Variants in ARHGEF28 observed in about 807,000 individuals in gnomAD.
The protein encoded by ARHGEF28 is 190 kDa guanine nucleotide exchange factor.
Under a neutral mutation model 206.6 loss-of-function variants are expected in ARHGEF28, and 152 were observed. The ratio of observed to expected loss-of-function variants is 0.74; its 90% CI spans 0.64 to 0.84. The LOEUF is 0.84. Among genes scored for constraint, ARHGEF28 ranks in the 40% least tolerant of loss-of-function variants. The pLI is 0.00. For synonymous variants in ARHGEF28, 763 were observed against 776.4 expected (o/e 0.98, Z 0.29); for missense variants, 2,028 against 2,073.2 (o/e 0.98, Z 0.42).
At chr5:73,901,403 A>T in intron 31 of ARHGEF28, 119 bp downstream of exon 31, 2 of 703,856 alleles carry the variant, frequency 2.8e-6, no homozygotes, top group Non-Finnish European at 2.4e-6. Flanking sequence ...ATTGTTCTCA[A>T]TTGATTTAAA....
intron 1 of ARHGEF28, among the ~76,000 whole-genome samples, chr5:73,668,619 A>G (rs552024364): frequency 3.0e-4 from 45 of 152,376 alleles, no homozygotes; most frequent in South Asian, 1.2e-3. Flanking sequence ...TTTGAACCAC[A>G]GTAACCACCC....
At chr5:73,742,782 C>A (rs1472779847) in intron 2 of ARHGEF28, among the ~76,000 whole-genome samples, 2 of 149,088 alleles carry the variant, frequency 1.3e-5, no homozygotes, top group African/African-American at 4.9e-5. Flanking sequence ...CGAGATTGCG[C>A]CACTGCAGTC....
intron 25 of ARHGEF28, among the ~76,000 whole-genome samples, chr5:73,886,347 G>A (rs1441511964): frequency 1.3e-5 from 2 of 152,206 alleles, no homozygotes; most frequent in African/African-American, 4.8e-5. Context: ...AGTTTGTGAT[G>A]TCTGAAATCA....
intron 13 of ARHGEF28, among the ~76,000 whole-genome samples, 176 bp from the exon 14 acceptor site, chr5:73,852,474 G>A (rs531066214): frequency 2.6e-5 from 4 of 151,988 alleles, no homozygotes; most frequent in Non-Finnish European, 4.4e-5. Flanking sequence ...ATTACAGAAA[G>A]TGATTTAAAA....
chr5:73,667,879 C>A (rs963753413), intron 1 of ARHGEF28, among the ~76,000 whole-genome samples: 39 of 152,164 alleles, frequency 2.6e-4, no homozygotes, highest in African/African-American at 8.4e-4. Context: ...TCCACAAAGT[C>A]TTAAGACATG....
chr5:73,869,222 T>TGGGGG (rs67692648), intron 20 of ARHGEF28, among the ~76,000 whole-genome samples: 65 of 99,240 alleles, frequency 6.5e-4, no homozygotes, highest in East Asian at 1.3e-3. Flanking sequence ...GTGTGTGGGG[T>TGGGGG]GGAGGGGGGT....
At chr5:73,653,380 G>T (rs1319324921) in intron 1 of ARHGEF28, among the ~76,000 whole-genome samples, 1 of 152,210 alleles carries the variant, frequency 6.6e-6, no homozygotes, top group African/African-American at 2.4e-5. Context: ...TATATTGAGT[G>T]AATATTAGTA....
In ARHGEF28 at chr5:73,858,541, G is replaced by A. The variant is rs141635973; in HGVS notation, c.2047+322G>A. ...GGCAACTTGATCATTCCAACCAGATGTTCATGCCAAAACTTTTGGAGTACA... is the reference window on the plus strand; with the variant it reads ...GGCAACTTGATCATTCCAACCAGATATTCATGCCAAAACTTTTGGAGTACA... On this transcript the variant is annotated intron_variant, in intron 16 of 35. Coordinates refer to ENST00000513042, the MANE Select transcript of ARHGEF28 (RefSeq NM_001177693.2). Among the ~76,000 whole-genome samples, 477 of 152,254 alleles carry A rather than the reference G, an allele frequency of 3.1e-3. 5 individuals carry two copies. Among genetic ancestry groups the A allele is most frequent in the Middle Eastern group, 0.014 (4 of 294 alleles).
Position 73,898,041 on chromosome 5 carries a change from T to C in ARHGEF28, c.3921T>C (p.Ser1307=), listed in dbSNP as rs1038116824. The C allele has an allele frequency of 3.1e-6, 5 of 1,610,984 alleles. No individual in the cohort carries two copies. Among genetic ancestry groups the C allele is most frequent in the African/African-American group, 2.7e-5 (2 of 74,898 alleles). ...SQSCEDSCGD[S]VLADTLSSHD... ...CATGTGAGGACAGTTGTGGAGACTCTGTCTTGGCGGACACACTCAGTTCTC... is the reference window on the plus strand; with the variant it reads ...CATGTGAGGACAGTTGTGGAGACTCCGTCTTGGCGGACACACTCAGTTCTC... Residue 1307 remains serine (S), a synonymous_variant, in exon 30 of 36, where the codon TCT becomes TCC. Coordinates refer to ENST00000513042, the MANE Select transcript of ARHGEF28 (RefSeq NM_001177693.2).
At chr5:73,770,936 G>T (rs1753186907) in intron 4 of ARHGEF28, among the ~76,000 whole-genome samples, 1 of 152,180 alleles carries the variant, frequency 6.6e-6, no homozygotes, top group Non-Finnish European at 1.5e-5. Context: ...GAGGGAGCTG[G>T]ATTAGCAGAA....
intron 2 of ARHGEF28, among the ~76,000 whole-genome samples, chr5:73,694,116 T>C (rs1222137168): frequency 6.6e-6 from 1 of 152,194 alleles, no homozygotes; most frequent in East Asian, 1.9e-4. Context: ...AATCCTCCAT[T>C]AGCTTCATCC....
At chr5:73,873,335 G>T (rs1580017207) in intron 22 of ARHGEF28, 89 bp downstream of exon 22, 1 of 1,432,104 alleles carries the variant, frequency 7.0e-7, no homozygotes, top group Non-Finnish European at 9.3e-7. Flanking sequence ...TAAAAAAAAT[G>T]ATATTTTGAA....
chr5:73,880,915 A>C (rs1449040929), intron 22 of ARHGEF28, among the ~76,000 whole-genome samples: 1 of 148,044 alleles, frequency 6.8e-6, no homozygotes, highest in Non-Finnish European at 1.5e-5. Flanking sequence ...CTGGGTGGGC[A>C]TCAGAAGTGG....
At chr5:73,758,069 C>G (rs1752408437) in intron 4 of ARHGEF28, among the ~76,000 whole-genome samples, 1 of 152,118 alleles carries the variant, frequency 6.6e-6, no homozygotes, top group Admixed American at 6.6e-5. Flanking sequence ...ACTTGTGTTC[C>G]CAGTAGCTTG....
Position 73,875,231 on chromosome 5 carries a change from C to G in ARHGEF28, c.2814+1985C>G, listed in dbSNP as rs930483381. ...ATAAATATCTTCTTTTGAGAAGTGT[C>G]TGTTCATATCCTTCACCCACTTTTT... On this transcript the variant is annotated intron_variant, in intron 22 of 35. Coordinates refer to ENST00000513042, the MANE Select transcript of ARHGEF28 (RefSeq NM_001177693.2). Among the ~76,000 whole-genome samples, 4 of 152,166 alleles carry G rather than the reference C, an allele frequency of 2.6e-5. No homozygotes were observed. In the South Asian group the frequency reaches 8.3e-4, roughly 32 times the overall value.
At chr5:73,917,633 G>A (rs1376314329) in intron 35 of ARHGEF28, among the ~76,000 whole-genome samples, 2 of 152,176 alleles carry the variant, frequency 1.3e-5, no homozygotes, top group African/African-American at 4.8e-5. Context: ...CCAGCAGGTG[G>A]GTGGATTCAG....
chr5:73,775,705 G>A (rs971430113), intron 5 of ARHGEF28, among the ~76,000 whole-genome samples: 14 of 152,130 alleles, frequency 9.2e-5, no homozygotes, highest in African/African-American at 2.9e-4. Context: ...GACATGCTGA[G>A]GTATGCTGTA....
intron 1 of ARHGEF28, among the ~76,000 whole-genome samples, chr5:73,671,611 C>A (rs1580463830): frequency 6.7e-6 from 1 of 149,992 alleles, no homozygotes; most frequent in East Asian, 2.0e-4. Flanking sequence ...TGATCACATG[C>A]AGTTGTGAGA....
At chr5:73,833,436 G>A (rs1437517378) in intron 10 of ARHGEF28, among the ~76,000 whole-genome samples, 1 of 151,960 alleles carries the variant, frequency 6.6e-6, no homozygotes, top group African/African-American at 2.4e-5. Flanking sequence ...ACAAAGCACT[G>A]TTATATCAAA....
Sources: allele counts gnomAD v4.1 joint callset (sites outside exome capture counted in the v4.1 genomes callset), GRCh38; gene constraint gnomAD v4.1.1; transcripts MANE v1.5; gene names NCBI Gene and HGNC (gene_info 2026-07-23, HGNC 2026-07-21).